Variants in CXorf65 observed in about 807,000 individuals in gnomAD.
CXorf65 encodes the protein uncharacterized protein CXorf65.
For missense variants in CXorf65, 137 were observed against 144.7 expected (o/e 0.95, Z 0.27); for synonymous variants, 54 against 51.4 (o/e 1.05, Z -0.21).
rs1330006204 is a variant in CXorf65 at position 71,106,377 on chromosome X, C to T, written c.75G>A (p.Leu25=). ...ACTTTACTTTACTGCGGATGTAATA[C>T]AGCAACACGACGACAGCACAGTTGG... ...VNTNCAVVVL[L]YYIRSKVKLP... Residue 25 remains leucine (L), a synonymous_variant, in exon 2 of 6, where the codon CTG becomes CTA. Coordinates refer to ENST00000374251, the MANE Select transcript of CXorf65 (RefSeq NM_001025265.3). The T allele has an allele frequency of 5.0e-6, 6 of 1,210,723 alleles. No homozygotes were observed. In the Admixed American group the frequency reaches 8.7e-5, roughly 18 times the overall value.
chrX:71,104,190 A>C (rs748570311), intron 5 of CXorf65, 78 bp from the exon 6 acceptor site: 1 of 1,141,983 alleles, frequency 8.8e-7, no homozygotes, highest in East Asian at 3.0e-5. Flanking sequence ...GAAGGAAAAA[A>C]GAAATTGGAG....
intron 3 of CXorf65, among the ~76,000 whole-genome samples, 195 bp from the exon 4 acceptor site, chrX:71,105,032 G>A (rs2092243465): frequency 1.8e-5 from 2 of 110,595 alleles, no homozygotes; most frequent in African/African-American, 6.6e-5. Flanking sequence ...TGGCCAATTC[G>A]AGACTAGCCT....
In CXorf65 at chrX:71,106,684, A is replaced by G; in HGVS notation, c.-128T>C. 1 of 1,179,563 alleles carries G rather than the reference A, an allele frequency of 8.5e-7. No individual in the cohort carries two copies. Among genetic ancestry groups the G allele is most frequent in the Non-Finnish European group, 1.1e-6 (1 of 880,816 alleles). On this transcript the variant is annotated 5_prime_UTR_variant, in exon 1 of 6. It removes an upstream start codon present in the reference 5' UTR. Coordinates refer to ENST00000374251, the MANE Select transcript of CXorf65 (RefSeq NM_001025265.3). ...TGGACTAGAGAGGCAGATGGATTTC[A>G]TAGGCTGAGGATGCCCAGGCTGGAC...
intron 4 of CXorf65, 92 bp downstream of exon 4, chrX:71,104,677 T>C (rs1236516786): frequency 2.2e-6 from 2 of 907,423 alleles, no homozygotes; most frequent in African/African-American, 2.0e-5. Flanking sequence ...TCATCTGACC[T>C]ACCATATCAC....
chrX:71,106,195 G>A lies in CXorf65; in HGVS notation c.113-58C>T, dbSNP rs778100557. 6 of 1,160,747 alleles carry A rather than the reference G, an allele frequency of 5.2e-6. No homozygotes were observed. In the South Asian group the frequency reaches 7.4e-5, roughly 14 times the overall value. On this transcript the variant is annotated intron_variant, in intron 2 of 5. Transcript: ENST00000374251. ...TAAGGAAAGAGAGTGGGAGCAAAAG[G>A]GGCCAGTGATCCTATACAAAATGGG...
chrX:71,106,560 C>T lies in CXorf65; in HGVS notation c.-4G>A, dbSNP rs375344377. ...CATGTTTGATGAAGATGAACATGCC[C>T]TCAAGATCGCCTCACTCTTCACAAA... On this transcript the variant is annotated 5_prime_UTR_variant, in exon 1 of 6. Transcript: ENST00000374251. 6 of 1,211,090 alleles carry T rather than the reference C, an allele frequency of 5.0e-6. No homozygotes were observed. The highest frequency in any genetic ancestry group is 3.0e-5 in the East Asian group (1 of 33,828).
intron 2 of CXorf65, 57 bp from the exon 3 acceptor site, chrX:71,106,194 G>A: frequency 8.6e-7 from 1 of 1,165,007 alleles, no homozygotes; most frequent in Non-Finnish European, 1.2e-6. Context: ...GGGAGCAAAA[G>A]GGGCCAGTGA....
Position 71,103,964 on chromosome X carries a change from T to G in CXorf65, c.*23A>C, listed in dbSNP as rs1254312213. On this transcript the variant is annotated 3_prime_UTR_variant, in exon 6 of 6. Coordinates refer to ENST00000374251, the MANE Select transcript of CXorf65 (RefSeq NM_001025265.3). ...CTAGAAAAAGAAATCTCACGTTAAATTCCAGTAATTTCACACCTAGTATTA... is the reference window on the plus strand; with the variant it reads ...CTAGAAAAAGAAATCTCACGTTAAAGTCCAGTAATTTCACACCTAGTATTA... 3.3e-6 allele frequency: 4 copies of G among 1,195,628 alleles called. No homozygotes were observed. Among genetic ancestry groups the G allele is most frequent in the Non-Finnish European group, 3.4e-6 (3 of 884,517 alleles).
intron 2 of CXorf65, 25 bp from the exon 3 acceptor site, chrX:71,106,162 G>A: frequency 8.3e-7 from 1 of 1,205,130 alleles, no homozygotes. Context: ...CAGGGTAATT[G>A]GGGCAGCTAA....
rs771663994 is a variant in CXorf65 at position 71,104,853 on chromosome X, T to C, written c.251-16A>G. 3.3e-6 allele frequency: 4 copies of C among 1,196,531 alleles called. No homozygotes were observed. Among genetic ancestry groups the C allele is most frequent in the Non-Finnish European group, 2.3e-6 (2 of 883,150 alleles). On this transcript the variant is annotated splice_polypyrimidine_tract_variant and intron_variant, in intron 3 of 5. Transcript: ENST00000374251. ...AGCCTGGTTCCTGTGAACATAGCCATGTGCTATCTCCAGCCCCTGTCATCC... is the reference window on the plus strand; with the variant it reads ...AGCCTGGTTCCTGTGAACATAGCCACGTGCTATCTCCAGCCCCTGTCATCC...
chrX:71,105,538 A>G (rs1462199962), intron 3 of CXorf65, among the ~76,000 whole-genome samples: 1 of 102,943 alleles, frequency 9.7e-6, no homozygotes, highest in Non-Finnish European at 2.0e-5. Context: ...CAGCCTGGAC[A>G]ACTGGACAAC....
Position 71,104,118 on chromosome X carries a change from AAAAG to A in CXorf65, c.427-10_427-7del, listed in dbSNP as rs758976246. ...GATCGTCCTGATTGCTTGGACTAGA[AAAAG>A]AAAGTAAGTAAACAAAGAGGCCCCT... is the stretch of plus-strand genomic sequence containing the variant. On this transcript the variant is annotated splice_polypyrimidine_tract_variant and splice_region_variant and intron_variant, in intron 5 of 5. Coordinates refer to ENST00000374251, the MANE Select transcript of CXorf65 (RefSeq NM_001025265.3). 3 of 1,208,669 alleles carry A rather than the reference AAAAG, an allele frequency of 2.5e-6. No homozygotes were observed. Among genetic ancestry groups the A allele is most frequent in the Admixed American group, 4.4e-5 (2 of 45,551 alleles).
At chrX:71,104,259 A>T (rs1407185395) in intron 5 of CXorf65, 39 bp downstream of exon 5, 9 of 1,108,997 alleles carry the variant, frequency 8.1e-6, no homozygotes, top group Non-Finnish European at 8.7e-6. Context: ...TGGTAGGGAG[A>T]GGGGGGTGCT....
chrX:71,105,543 GACA>G (rs1167167393), intron 3 of CXorf65, among the ~76,000 whole-genome samples: 3 of 92,556 alleles, frequency 3.2e-5, no homozygotes, highest in African/African-American at 8.5e-5. Context: ...TGGACAACTG[GACA>G]ACAAGAGCGA....
At position 71,106,112 on chromosome X, in the gene CXorf65, C is replaced by T. The variant is rs764170798; in HGVS notation, c.138G>A (p.Thr46=). The T allele has an allele frequency of 2.1e-5, 25 of 1,209,055 alleles. No homozygotes were observed. Among genetic ancestry groups the T allele is most frequent in the East Asian group, 5.9e-5 (2 of 33,783 alleles). Residue 46 remains threonine (T), a synonymous_variant, in exon 3 of 6, where the codon ACG becomes ACA. Transcript: ENST00000374251. ...TCAGGAAAAGCATCTTCATTTTCCCCGTTTGTTCACACAAATCGATGGTGT... is the reference window on the plus strand; with the variant it reads ...TCAGGAAAAGCATCTTCATTTTCCCTGTTTGTTCACACAAATCGATGGTGT... ...KTNTIDLCEQ[T]GKMKMLFLMK... is the part of the protein sequence containing the mutation.
intron 4 of CXorf65, 113 bp downstream of exon 4, chrX:71,104,656 C>A: frequency 1.3e-6 from 1 of 794,226 alleles, no homozygotes; most frequent in Non-Finnish European, 1.9e-6. Context: ...CCGCCTTTTC[C>A]TAGGCTCCTA....
intron 3 of CXorf65, 134 bp downstream of exon 3, chrX:71,105,866 T>C (rs1431955736): frequency 9.3e-5 from 62 of 669,106 alleles, no homozygotes; most frequent in South Asian, 2.9e-4. Flanking sequence ...TTCTCCCGCC[T>C]TGGCCTCTCA....
At position 71,106,430 on chromosome X, in the gene CXorf65, A is replaced by C. The variant is rs769728340; in HGVS notation, c.26-4T>G. 2 of 1,205,384 alleles carry C rather than the reference A, an allele frequency of 1.7e-6. No homozygotes were observed. The highest frequency in any genetic ancestry group is 2.2e-6 in the Non-Finnish European group (2 of 889,790). On this transcript the variant is annotated splice_region_variant and splice_polypyrimidine_tract_variant and intron_variant, in intron 1 of 5. Coordinates refer to ENST00000374251, the MANE Select transcript of CXorf65 (RefSeq NM_001025265.3). The stretch of plus-strand genomic sequence containing the variant: ...TTGACCAGAAACTGCTGATTATCTG[A>C]GAAGAGATAGGATGGGACACATGGG...
Position 71,106,669 on chromosome X carries a change from A to G in CXorf65, c.-113T>C. On this transcript the variant is annotated 5_prime_UTR_variant, in exon 1 of 6. Coordinates refer to ENST00000374251, the MANE Select transcript of CXorf65 (RefSeq NM_001025265.3). ...GGCCTATAGGGTTGGTGGACTAGAG[A>G]GGCAGATGGATTTCATAGGCTGAGG... 2 of 1,188,054 alleles carry G rather than the reference A, an allele frequency of 1.7e-6. No individual in the cohort carries two copies. The highest frequency in any genetic ancestry group is 2.3e-6 in the Non-Finnish European group (2 of 884,569).
Sources: allele counts gnomAD v4.1 joint callset (sites outside exome capture counted in the v4.1 genomes callset), GRCh38; gene constraint gnomAD v4.1.1; transcripts MANE v1.5; gene names NCBI Gene and HGNC (gene_info 2026-07-23, HGNC 2026-07-21).